The following FARP2 variants were observed in gnomAD, a reference collection of about 807,000 sequenced individuals.
FARP2 encodes the protein FERM, ARHGEF and pleckstrin domain-containing protein 2.
Under a neutral mutation model 130.5 loss-of-function variants are expected in FARP2, and 111 were observed. The observed-to-expected ratio is 0.85, with a 90% confidence interval of 0.73 to 1.00. The LOEUF (loss-of-function observed/expected upper bound fraction) is 1.00, where lower values mean the gene tolerates loss of function less well. FARP2 is among the 50% of genes least tolerant of loss of function. The probability of loss-of-function intolerance (pLI) is 0.00; values close to 1 mark genes in which losing one functional copy is unlikely to be tolerated. For synonymous variants in FARP2, 504 were observed against 516.9 expected, an observed-to-expected ratio of 0.98 and a Z score of 0.34; for missense variants, 1,385 against 1,346.3, an observed-to-expected ratio of 1.03 and a Z score of -0.45.
At chr2:241,474,317 CAAAAAAAAAAAAAAAAAAA>C (rs56128645) in intron 18 of FARP2, among the ~76,000 whole-genome samples, 502 of 46,720 alleles carry the variant, frequency 0.011, 11 homozygotes, top group African/African-American at 0.04. Context: ...GATTCCGTCT[CAAAAAAAAAAAAAAAAAAA>C]AAAAAAAAAA....
At position 241,435,014 on chromosome 2, in the gene FARP2, A is replaced by G; in HGVS notation, c.1084A>G (p.Arg362Gly). The change falls in exon 11 of 27, where the codon AGA (arginine) becomes GGA (glycine). Residue 362 changes from arginine (R) to glycine (G), a missense_variant. Coordinates refer to ENST00000264042, the MANE Select transcript of FARP2 (RefSeq NM_014808.4). ...VDYFKDSGMK[R>G]IPYERRHSKT... ...TTATTTCAAAGACAGTGGAATGAAG[A>G]GAATTCCATATGAAAGGTAAGCTCT... 1 of 1,589,976 alleles carries G rather than the reference A, an allele frequency of 6.3e-7. No homozygotes were observed. The highest frequency in any genetic ancestry group is 8.6e-7 in the Non-Finnish European group (1 of 1,161,516).
chr2:241,383,123 C>T (rs574364476), intron 2 of FARP2, among the ~76,000 whole-genome samples: 1 of 152,186 alleles, frequency 6.6e-6, no homozygotes, highest in African/African-American at 2.4e-5. Context: ...TAGGCCAGCA[C>T]GTGTTTGGCA....
chr2:241,494,538 C>T lies in FARP2; in HGVS notation c.*413C>T, dbSNP rs35804074. The T allele has an allele frequency of 0.025, 3,852 of 154,310 alleles. 57 individuals are homozygous for T. Among genetic ancestry groups the T allele is most frequent in the Non-Finnish European group, 0.041 (2,878 of 69,428 alleles). The allele number at this position is 154,310 out of a possible 1,614,324, so 9.6% of individuals were successfully genotyped here. ...ACTGGAAAAGAGGCCCTGCCATACA[C>T]CCTGCGTACCCACTGCCAGGACCCT... On this transcript the variant is annotated 3_prime_UTR_variant, in exon 27 of 27. Transcript: ENST00000264042. The surrounding 1 kb of genome is among the most constrained non-coding windows in gnomAD (Gnocchi z 4.9).
chr2:241,442,257 C>G (rs1203443552), intron 13 of FARP2: 1 of 456,730 alleles, frequency 2.2e-6, no homozygotes, highest in Non-Finnish European at 4.4e-6. Context: ...TGGTCAACTT[C>G]CCAGCCTACT....
At chr2:241,463,757 C>T in intron 16 of FARP2, 142 bp from the exon 17 acceptor site, 1 of 762,088 alleles carries the variant, frequency 1.3e-6, no homozygotes. Flanking sequence ...CCAGGGCAGG[C>T]CCTGCCCTGC....
intron 6 of FARP2, 86 bp from the exon 7 acceptor site, chr2:241,413,221 T>C: frequency 2.7e-6 from 2 of 741,872 alleles, no homozygotes; most frequent in Non-Finnish European, 4.3e-6. Context: ...TGGGATAATT[T>C]TTTTTTACTT....
chr2:241,465,603 G>T (rs1454245244), intron 17 of FARP2: 1 of 1,550,594 alleles, frequency 6.4e-7, no homozygotes, highest in Non-Finnish European at 8.7e-7. Context: ...CAACAGTGCA[G>T]GTCGTGCATT....
At chr2:241,400,549 C>A (rs2062141606) in intron 2 of FARP2, among the ~76,000 whole-genome samples, 1 of 152,208 alleles carries the variant, frequency 6.6e-6, no homozygotes, top group South Asian at 2.1e-4. Flanking sequence ...AGAGAGACCA[C>A]AAATGAGCTG....
chr2:241,426,542 A>G (rs1197055587), intron 8 of FARP2, among the ~76,000 whole-genome samples: 2 of 152,168 alleles, frequency 1.3e-5, no homozygotes, highest in Non-Finnish European at 2.9e-5. Flanking sequence ...GCTGTCATAA[A>G]TGTGCTTTTC....
intron 7 of FARP2, among the ~76,000 whole-genome samples, chr2:241,414,521 A>G (rs1011506457): frequency 3.9e-5 from 6 of 152,202 alleles, no homozygotes; most frequent in African/African-American, 1.4e-4. Context: ...AGTGCCAGCT[A>G]TGCATCCACC....
chr2:241,455,701 C>T (rs1020790141), intron 13 of FARP2, among the ~76,000 whole-genome samples: 1 of 149,326 alleles, frequency 6.7e-6, no homozygotes, highest in Admixed American at 6.7e-5. Flanking sequence ...TTTTAAACAG[C>T]AGTTAAATTC....
intron 13 of FARP2, chr2:241,444,670 G>A (rs933339283): frequency 3.9e-5 from 6 of 152,180 alleles, no homozygotes; most frequent in African/African-American, 1.2e-4. Context: ...GCTCATGTGC[G>A]AGATTCTAAA....
chr2:241,410,837 C>CCTTCA (rs1156619121), intron 5 of FARP2, 196 bp from the exon 6 acceptor site: 1 of 547,454 alleles, frequency 1.8e-6, no homozygotes, highest in East Asian at 3.3e-5. Flanking sequence ...TATCATCTGA[C>CCTTCA]CTTCACTTGG....
intron 8 of FARP2, among the ~76,000 whole-genome samples, chr2:241,423,478 G>A (rs534725948): frequency 1.3e-5 from 2 of 152,282 alleles, no homozygotes; most frequent in East Asian, 3.9e-4. Flanking sequence ...ATACAGAAAG[G>A]AAAAACTGTT....
At chr2:241,379,940 A>T (rs1316118098) in intron 2 of FARP2, among the ~76,000 whole-genome samples, 1 of 152,204 alleles carries the variant, frequency 6.6e-6, no homozygotes, top group Non-Finnish European at 1.5e-5. Context: ...GGTGCACAGC[A>T]GAGATGTGGA....
chr2:241,442,182 G>C (rs1045346036), intron 13 of FARP2: 1 of 452,714 alleles, frequency 2.2e-6, no homozygotes, highest in Non-Finnish European at 4.5e-6. Flanking sequence ...TCAATAACAT[G>C]CCACTACGTG....
chr2:241,418,131 G>A (rs761049643), intron 8 of FARP2, 22 bp downstream of exon 8: 1 of 1,614,032 alleles, frequency 6.2e-7, no homozygotes. Flanking sequence ...GGGAAGGGAG[G>A]GGTGAGAACA....
At chr2:241,453,069 C>G (rs2063709592) in intron 13 of FARP2, among the ~76,000 whole-genome samples, 1 of 150,510 alleles carries the variant, frequency 6.6e-6, no homozygotes, top group African/African-American at 2.4e-5. Context: ...GTGGCTCACA[C>G]CTGTAATCCC....
intron 8 of FARP2, among the ~76,000 whole-genome samples, chr2:241,427,949 G>A (rs879704228): frequency 1.3e-5 from 2 of 152,072 alleles, no homozygotes; most frequent in Admixed American, 6.6e-5. Context: ...TGTATTTTTA[G>A]TAGAGGCGGG....
Sources: gnomAD v4.1 joint callset for allele counts (sites outside exome capture counted in the v4.1 genomes callset) on GRCh38, gnomAD v4.1.1 for gene constraint, Gnocchi (gnomAD v3.1) non-coding constraint, MANE v1.5 for transcripts, NCBI Gene and HGNC (gene_info 2026-07-23, HGNC 2026-07-21) for gene names.